Variants in LRRC4C observed in about 807,000 individuals in gnomAD.
LRRC4C encodes the protein leucine rich repeat containing 4C.
A neutral mutation model predicts 33.6 loss-of-function variants in LRRC4C; 5 were observed. That is an observed-to-expected ratio of 0.15 (90% confidence interval 0.08 to 0.31). LRRC4C has a LOEUF of 0.31. Ranked by LOEUF, LRRC4C falls within the 10% of genes least tolerant of loss-of-function variation. The pLI is 1.00. For synonymous variants in LRRC4C, 329 were observed against 302.0 expected, an observed-to-expected ratio of 1.09 and a Z score of -0.93; for missense variants, 560 against 796.7, an observed-to-expected ratio of 0.70 and a Z score of 3.58.
At chr11:41,358,011 A>C (rs1952221994) in intron 1 of LRRC4C, among the ~76,000 whole-genome samples, 2 of 152,150 alleles carry the variant, frequency 1.3e-5, no homozygotes, top group Admixed American at 1.3e-4. Context: ...ATTGACTATA[A>C]AGCTACAGTA....
At chr11:40,589,181 T>A (rs1254829887) in intron 3 of LRRC4C, among the ~76,000 whole-genome samples, 1 of 152,014 alleles carries the variant, frequency 6.6e-6, no homozygotes, top group East Asian at 1.9e-4. Flanking sequence ...TGCATATATA[T>A]TTAGGATAGT....
chr11:40,325,880 T>C (rs1315930268), intron 3 of LRRC4C, among the ~76,000 whole-genome samples: 4 of 152,072 alleles, frequency 2.6e-5, no homozygotes, highest in African/African-American at 9.7e-5. Context: ...TTTGAGATAC[T>C]ACTCACAATT....
intron 3 of LRRC4C, among the ~76,000 whole-genome samples, chr11:40,631,629 A>G (rs1963485780): frequency 6.6e-6 from 1 of 152,158 alleles, no homozygotes. Flanking sequence ...ATCCTGACAC[A>G]TGATAGGTTG....
At chr11:40,271,896 C>T (rs1251767981) in intron 4 of LRRC4C, among the ~76,000 whole-genome samples, 1 of 152,120 alleles carries the variant, frequency 6.6e-6, no homozygotes, top group Non-Finnish European at 1.5e-5. Context: ...AGTGAGCAGG[C>T]CACTTGTGGT....
chr11:41,156,497 A>T (rs1052945393), intron 1 of LRRC4C, among the ~76,000 whole-genome samples: 2 of 152,052 alleles, frequency 1.3e-5, no homozygotes, highest in African/African-American at 2.4e-5. Context: ...TTCCCACTTA[A>T]CAATTTCTGA....
At chr11:40,938,260 T>C (rs888343952) in intron 1 of LRRC4C, among the ~76,000 whole-genome samples, 2 of 152,124 alleles carry the variant, frequency 1.3e-5, no homozygotes, top group Non-Finnish European at 2.9e-5. Context: ...AATCTCCCTC[T>C]GACCTTTCTC....
chr11:41,251,923 T>TA (rs1948651674), intron 1 of LRRC4C, among the ~76,000 whole-genome samples: 1 of 151,974 alleles, frequency 6.6e-6, no homozygotes, highest in Non-Finnish European at 1.5e-5. Flanking sequence ...ATGTGATAAT[T>TA]AAAAAGAAAA....
At chr11:40,164,523 C>T (rs1403049169) in intron 5 of LRRC4C, among the ~76,000 whole-genome samples, 1 of 152,178 alleles carries the variant, frequency 6.6e-6, no homozygotes, top group Non-Finnish European at 1.5e-5. Context: ...AGGTGTGAGC[C>T]ACCGTGCCCA....
chr11:40,144,261 T>G (rs1857566654), intron 5 of LRRC4C, among the ~76,000 whole-genome samples: 1 of 152,194 alleles, frequency 6.6e-6, no homozygotes, highest in East Asian at 1.9e-4. Context: ...TTAATTTCTT[T>G]GAATTATATG....
intron 3 of LRRC4C, among the ~76,000 whole-genome samples, chr11:40,497,914 AT>A (rs1954551025): frequency 6.6e-6 from 1 of 152,160 alleles, no homozygotes; most frequent in South Asian, 2.1e-4. Context: ...TAAAAAATAA[AT>A]TTTGCATTTA....
intron 3 of LRRC4C, among the ~76,000 whole-genome samples, chr11:40,629,384 A>C (rs1015084020): frequency 8.5e-5 from 13 of 152,148 alleles, no homozygotes; most frequent in Admixed American, 8.5e-4. Flanking sequence ...AATGTAGCAT[A>C]ATTGTCCAAA....
intron 3 of LRRC4C, among the ~76,000 whole-genome samples, chr11:40,606,460 G>C (rs1591257544): frequency 1.3e-5 from 2 of 151,950 alleles, no homozygotes; most frequent in East Asian, 1.9e-4. Context: ...ATAAACACTA[G>C]GAGAGATTTT....
chr11:41,239,178 C>T (rs1445526304), intron 1 of LRRC4C, among the ~76,000 whole-genome samples: 5 of 148,904 alleles, frequency 3.4e-5, no homozygotes, highest in East Asian at 2.0e-4. Context: ...AAAAATTAGC[C>T]GGGCATGGTG....
At chr11:41,273,434 C>G (rs1006714688) in intron 1 of LRRC4C, among the ~76,000 whole-genome samples, 4 of 152,070 alleles carry the variant, frequency 2.6e-5, no homozygotes, top group African/African-American at 9.7e-5. Flanking sequence ...AAAGTCTAAC[C>G]ATTTGCATCA....
chr11:40,962,394 T>G (rs1851038163), intron 1 of LRRC4C, among the ~76,000 whole-genome samples: 1 of 151,734 alleles, frequency 6.6e-6, no homozygotes, highest in Non-Finnish European at 1.5e-5. Context: ...TTGAAGCCAC[T>G]ACATTTGTGA....
chr11:40,119,573 C>CA (rs1855678578), intron 6 of LRRC4C, among the ~76,000 whole-genome samples: 1 of 152,088 alleles, frequency 6.6e-6, no homozygotes, highest in Admixed American at 6.6e-5. Context: ...ACTGTAGGCA[C>CA]AAAATGAAAA....
At chr11:40,330,258 G>A (rs781573343) in intron 3 of LRRC4C, among the ~76,000 whole-genome samples, 9 of 152,128 alleles carry the variant, frequency 5.9e-5, no homozygotes, top group Non-Finnish European at 1.0e-4. Context: ...TTATTTCTGG[G>A]TGTGTCTGTG....
chr11:40,346,262 C>T (rs1400173318), intron 3 of LRRC4C, among the ~76,000 whole-genome samples: 1 of 152,136 alleles, frequency 6.6e-6, no homozygotes, highest in Non-Finnish European at 1.5e-5. Context: ...ATGTTCATTG[C>T]ACCACTGTTC....
chr11:41,359,592 C>T (rs544446811), intron 1 of LRRC4C, among the ~76,000 whole-genome samples: 4 of 151,886 alleles, frequency 2.6e-5, no homozygotes, highest in South Asian at 2.1e-4. Context: ...AAATAGATAC[C>T]GGTGAAACAT....
Sources: gnomAD v4.1 joint callset for allele counts (sites outside exome capture counted in the v4.1 genomes callset) on GRCh38, gnomAD v4.1.1 for gene constraint, MANE v1.5 for transcripts, NCBI Gene and HGNC (gene_info 2026-07-23, HGNC 2026-07-21) for gene names.